Variants in TTLL11 observed in about 807,000 individuals in gnomAD.
The protein encoded by TTLL11 is tubulin polyglutamylase TTLL11.
Under a neutral mutation model 51.7 loss-of-function variants are expected in TTLL11, and 42 were observed. That is an observed-to-expected ratio of 0.81 (90% confidence interval 0.64 to 1.05). TTLL11 has a LOEUF of 1.05. TTLL11 is among the 50% of genes least tolerant of loss of function. The probability of loss-of-function intolerance (pLI) is 0.00; values close to 1 mark genes in which losing one functional copy is unlikely to be tolerated. For synonymous variants in TTLL11, 381 were observed against 383.5 expected (o/e 0.99, Z 0.08); for missense variants, 799 against 940.4 (o/e 0.85, Z 1.97).
intron 6 of TTLL11, among the ~76,000 whole-genome samples, chr9:121,935,814 T>C (rs370077889): frequency 2.8e-4 from 42 of 152,260 alleles, no homozygotes; most frequent in African/African-American, 9.1e-4. Context: ...CTCAGGTACC[T>C]GGATAAACTG....
rs550511080 is a variant in TTLL11 at position 122,014,760 on chromosome 9, C to A, written c.693+16963G>T. On this transcript the variant is annotated intron_variant, in intron 3 of 8. Coordinates refer to ENST00000321582, the MANE Select transcript of TTLL11 (RefSeq NM_001139442.2). Reference sequence around the variant, plus strand: ...TGGGACTGTGGGCCAGTTACTCAACCCTCTGAATCTCAGCTTCCTCATCTA... The same window carrying A: ...TGGGACTGTGGGCCAGTTACTCAACACTCTGAATCTCAGCTTCCTCATCTA... Among the ~76,000 whole-genome samples the A allele has an allele frequency of 8.5e-5, 13 of 152,286 alleles. 2 individuals carry two copies. In the South Asian group the frequency reaches 2.7e-3, roughly 32 times the overall value.
intron 3 of TTLL11, among the ~76,000 whole-genome samples, chr9:122,018,207 G>C (rs916798197): frequency 6.6e-6 from 1 of 150,468 alleles, no homozygotes; most frequent in South Asian, 2.1e-4. Flanking sequence ...CTACCTCCTG[G>C]GTTCACGTCA....
intron 3 of TTLL11, among the ~76,000 whole-genome samples, chr9:121,999,482 C>G (rs1007766358): frequency 1.3e-5 from 2 of 152,142 alleles, no homozygotes; most frequent in Admixed American, 6.5e-5. Flanking sequence ...TCTCCCACAT[C>G]ACTCACCCCC....
intron 1 of TTLL11, among the ~76,000 whole-genome samples, chr9:122,072,125 G>T (rs1845746706): frequency 6.6e-6 from 1 of 152,164 alleles, no homozygotes; most frequent in Non-Finnish European, 1.5e-5. Flanking sequence ...TATAATCCCA[G>T]CTACTCAGAA....
At chr9:121,915,972 T>C (rs1840304577) in intron 6 of TTLL11, among the ~76,000 whole-genome samples, 1 of 137,274 alleles carries the variant, frequency 7.3e-6, no homozygotes, top group South Asian at 2.4e-4. Flanking sequence ...TTGGCATGTA[T>C]AGACAAAGAC....
intron 1 of TTLL11, among the ~76,000 whole-genome samples, chr9:122,072,312 C>T (rs1845750648): frequency 6.6e-6 from 1 of 152,182 alleles, no homozygotes; most frequent in East Asian, 1.9e-4. Flanking sequence ...CCATTCCCTT[C>T]ACTCTCCTCC....
At chr9:121,889,732 T>C (rs1199099542) in intron 6 of TTLL11, among the ~76,000 whole-genome samples, 1 of 152,174 alleles carries the variant, frequency 6.6e-6, no homozygotes, top group Non-Finnish European at 1.5e-5. Context: ...AAACCCCGTC[T>C]CTACTAAAAA....
At chr9:122,058,705 T>C (rs1206983731) in intron 1 of TTLL11, among the ~76,000 whole-genome samples, 3 of 152,354 alleles carry the variant, frequency 2.0e-5, no homozygotes, top group East Asian at 3.9e-4. Flanking sequence ...CCAAATCTTC[T>C]CATTTTTCAC....
intron 2 of TTLL11, among the ~76,000 whole-genome samples, chr9:122,038,427 T>C (rs1303296145): frequency 6.6e-6 from 1 of 152,066 alleles, no homozygotes; most frequent in African/African-American, 2.4e-5. Flanking sequence ...GGTGGGTCAC[T>C]TGAGGTCAGG....
intron 6 of TTLL11, among the ~76,000 whole-genome samples, chr9:121,899,365 G>GTGTGTATATATACA (rs1226221957): frequency 9.7e-5 from 11 of 113,240 alleles, no homozygotes; most frequent in Admixed American, 6.2e-4. Flanking sequence ...ATGTGTGTGT[G>GTGTGTATATATACA]TATATATATA....
Position 122,093,257 on chromosome 9 carries a change from C to T in TTLL11, c.-109G>A. The T allele has an allele frequency of 1.3e-6, 2 of 1,521,746 alleles. No individual in the cohort carries two copies. Among genetic ancestry groups the T allele is most frequent in the African/African-American group, 2.9e-5 (2 of 69,854 alleles). 94.3% of individuals were successfully genotyped at this position (1,521,746 alleles called of 1,614,324 possible). ...CGCTGCAGCCGCTGCCACGCGTTCC[C>T]CGCCCGAGCCCGTTGCCATGATCGC... On this transcript the variant is annotated 5_prime_UTR_variant, in exon 1 of 9. Transcript: ENST00000321582.
intron 8 of TTLL11, among the ~76,000 whole-genome samples, chr9:121,857,065 C>T (rs80340078): frequency 6.6e-6 from 1 of 152,180 alleles, no homozygotes; most frequent in Non-Finnish European, 1.5e-5. Context: ...CTCCTGAGAC[C>T]ACAGGCACAG....
chr9:122,087,457 A>C (rs1008570179), intron 1 of TTLL11, among the ~76,000 whole-genome samples: 4 of 152,208 alleles, frequency 2.6e-5, no homozygotes, highest in African/African-American at 9.7e-5. Context: ...ACTTGTTCTA[A>C]AGAAAGGCTG....
chr9:122,009,771 GAAT>G (rs1843747914), intron 3 of TTLL11, among the ~76,000 whole-genome samples: 3 of 151,666 alleles, frequency 2.0e-5, no homozygotes, highest in African/African-American at 7.3e-5. Context: ...TAAAACTATA[GAAT>G]AATAGAGATG....
intron 8 of TTLL11, among the ~76,000 whole-genome samples, chr9:121,848,535 A>G (rs1837579906): frequency 6.6e-6 from 1 of 152,232 alleles, no homozygotes; most frequent in South Asian, 2.1e-4. Context: ...TGAAGTAACA[A>G]ATGACTATAG....
chr9:122,000,102 G>GAATGTAAAAA (rs1314833812), intron 3 of TTLL11, among the ~76,000 whole-genome samples: 2 of 152,146 alleles, frequency 1.3e-5, no homozygotes, highest in Non-Finnish European at 2.9e-5. Context: ...AACCTACTGT[G>GAATGTAAAAA]CTGCATTCGC....
At chr9:121,899,341 CTG>C (rs541507208) in intron 6 of TTLL11, among the ~76,000 whole-genome samples, 7 of 136,878 alleles carry the variant, frequency 5.1e-5, no homozygotes, top group Admixed American at 8.1e-5. Context: ...TTAATTCACT[CTG>C]TGTGTGTGTG....
intron 6 of TTLL11, among the ~76,000 whole-genome samples, chr9:121,900,925 C>CA (rs1194441455): frequency 6.6e-6 from 1 of 152,144 alleles, no homozygotes; most frequent in Non-Finnish European, 1.5e-5. Context: ...CCTCCCGCCT[C>CA]AGCCTCCTGA....
intron 8 of TTLL11, among the ~76,000 whole-genome samples, chr9:121,840,575 T>C (rs1041081382): frequency 2.2e-4 from 34 of 152,318 alleles, no homozygotes; most frequent in African/African-American, 7.9e-4. Flanking sequence ...TTTGTATTTT[T>C]AGTAGAGATG....
Sources: gnomAD v4.1 joint callset for allele counts (sites outside exome capture counted in the v4.1 genomes callset) on GRCh38, gnomAD v4.1.1 for gene constraint, MANE v1.5 for transcripts, NCBI Gene and HGNC (gene_info 2026-07-23, HGNC 2026-07-21) for gene names.